Variants in FAM135B observed in about 807,000 individuals in gnomAD.
The protein encoded by FAM135B is family with sequence similarity 135 member B, also known as protein FAM135B.
A neutral mutation model predicts 127.7 loss-of-function variants in FAM135B; 43 were observed. That is an observed-to-expected ratio of 0.34 (90% CI 0.26 to 0.43). FAM135B has a LOEUF of 0.43. Among genes scored for constraint, FAM135B ranks in the 20% least tolerant of loss-of-function variants. The pLI, the probability that FAM135B is intolerant of heterozygous loss-of-function variation, is 1.00. For synonymous variants in FAM135B, 670 were observed against 665.1 expected, an observed-to-expected ratio of 1.01 and a Z score of -0.11; for missense variants, 1,558 against 1,725.6, an observed-to-expected ratio of 0.90 and a Z score of 1.72.
chr8:138,300,768 T>G (rs958318203), intron 3 of FAM135B, among the ~76,000 whole-genome samples: 1 of 147,624 alleles, frequency 6.8e-6, no homozygotes, highest in Non-Finnish European at 1.5e-5. Flanking sequence ...TTTTTTTTTT[T>G]AGAGACTGAG....
At chr8:138,154,214 C>A (rs1040680482) in intron 12 of FAM135B, among the ~76,000 whole-genome samples, 2 of 152,150 alleles carry the variant, frequency 1.3e-5, no homozygotes, top group Non-Finnish European at 2.9e-5. Flanking sequence ...AAAAGACCTG[C>A]AGCTGAGGGT....
intron 10 of FAM135B, among the ~76,000 whole-genome samples, chr8:138,178,098 AT>A (rs2130972979): frequency 6.6e-6 from 1 of 152,080 alleles, no homozygotes; most frequent in East Asian, 1.9e-4. Flanking sequence ...TACAAAAAAA[AT>A]TAGTCGGGTG....
chr8:138,365,613 A>G (rs1335951986), intron 2 of FAM135B, among the ~76,000 whole-genome samples: 1 of 152,234 alleles, frequency 6.6e-6, no homozygotes, highest in Non-Finnish European at 1.5e-5. Context: ...GAAGTAGGAT[A>G]AATGTGGTTG....
chr8:138,244,203 G>C (rs1821102422), intron 6 of FAM135B, among the ~76,000 whole-genome samples: 1 of 150,970 alleles, frequency 6.6e-6, no homozygotes, highest in South Asian at 2.1e-4. Context: ...TCACCTTAAA[G>C]ACATTTGTCT....
At chr8:138,248,947 T>A (rs1287852096) in intron 6 of FAM135B, among the ~76,000 whole-genome samples, 1 of 151,814 alleles carries the variant, frequency 6.6e-6, no homozygotes, top group Non-Finnish European at 1.5e-5. Flanking sequence ...CCCCAAAAAG[T>A]AAGTGGTAGG....
intron 1 of FAM135B, among the ~76,000 whole-genome samples, chr8:138,432,402 TC>T (rs1221313006): frequency 2.0e-5 from 3 of 152,130 alleles, no homozygotes; most frequent in Non-Finnish European, 2.9e-5. Context: ...TTGCATGGTC[TC>T]CACTACTCCA....
At chr8:138,280,760 A>G (rs763195285) in intron 3 of FAM135B, among the ~76,000 whole-genome samples, 6 of 152,174 alleles carry the variant, frequency 3.9e-5, no homozygotes, top group Non-Finnish European at 8.8e-5. Flanking sequence ...TAGGAGTTAC[A>G]TCACTTGTCA....
At position 138,151,466 on chromosome 8, in the gene FAM135B, C is replaced by A; in HGVS notation, c.3009G>T (p.Leu1003=). 6.2e-7 allele frequency: 1 copy of A among 1,614,238 alleles called. No individual in the cohort carries two copies. Among genetic ancestry groups the A allele is most frequent in the East Asian group, 2.2e-5 (1 of 44,878 alleles). The change falls in exon 13 of 20, where the codon CTG becomes CTT. Residue 1003 remains leucine, a synonymous_variant. Transcript: ENST00000395297. ...ACCCCATGATGGAAGTGCCTGCCTT[C>A]AGCTCTTGGTTTTTCAAAACCTGGG... The part of the protein sequence containing the change: ...VHSQVLKNQE[L]KAGTSIMGSH...
intron 1 of FAM135B, among the ~76,000 whole-genome samples, chr8:138,460,375 T>G (rs899032464): frequency 6.6e-6 from 1 of 152,132 alleles, no homozygotes; most frequent in Admixed American, 6.6e-5. Context: ...CCCCAGAAGC[T>G]AAAGCCTTCT....
intron 2 of FAM135B, among the ~76,000 whole-genome samples, chr8:138,349,243 T>C (rs1829624636): frequency 6.6e-6 from 1 of 152,184 alleles, no homozygotes; most frequent in South Asian, 2.1e-4. Flanking sequence ...TTGGGAGCTG[T>C]TTGGGAATAG....
intron 3 of FAM135B, among the ~76,000 whole-genome samples, chr8:138,271,038 T>A (rs77810596): frequency 1.3e-5 from 2 of 152,342 alleles, no homozygotes; most frequent in East Asian, 3.9e-4. Context: ...ATGAGATTCA[T>A]TTCTATCCTA....
At chr8:138,164,324 CG>C (rs1301909736) in intron 12 of FAM135B, among the ~76,000 whole-genome samples, 2 of 152,126 alleles carry the variant, frequency 1.3e-5, no homozygotes, top group Admixed American at 1.3e-4. Flanking sequence ...AAGAGAGACC[CG>C]CCTCTGAGAG....
At chr8:138,143,133 T>C in intron 15 of FAM135B, 24 bp from the exon 16 acceptor site, 1 of 1,373,478 alleles carries the variant, frequency 7.3e-7, no homozygotes, top group Non-Finnish European at 1.0e-6. Flanking sequence ...GAGGAACAGG[T>C]GTTGGGTATG....
At chr8:138,186,722 C>T (rs753278462) in intron 9 of FAM135B, among the ~76,000 whole-genome samples, 5 of 152,150 alleles carry the variant, frequency 3.3e-5, no homozygotes, top group South Asian at 4.1e-4. Flanking sequence ...AACCAAGAGC[C>T]GGTAGTCCTG....
At chr8:138,323,740 G>A (rs930446511) in intron 2 of FAM135B, among the ~76,000 whole-genome samples, 3 of 152,194 alleles carry the variant, frequency 2.0e-5, no homozygotes, top group Non-Finnish European at 4.4e-5. Flanking sequence ...CATACTTTGT[G>A]TAGGTGAAAA....
chr8:138,228,142 G>C (rs1586827731), intron 7 of FAM135B, among the ~76,000 whole-genome samples: 1 of 152,122 alleles, frequency 6.6e-6, no homozygotes, highest in South Asian at 2.1e-4. Context: ...TCAAGGACTA[G>C]GGTGACTAGG....
intron 1 of FAM135B, among the ~76,000 whole-genome samples, chr8:138,382,115 C>T (rs1050758828): frequency 7.2e-5 from 11 of 152,132 alleles, no homozygotes; most frequent in South Asian, 2.1e-4. Flanking sequence ...CCCACGTCAC[C>T]GTGTTCCCAC....
At chr8:138,148,164 AT>A (rs1436306147) in intron 14 of FAM135B, among the ~76,000 whole-genome samples, 1 of 152,198 alleles carries the variant, frequency 6.6e-6, no homozygotes, top group East Asian at 1.9e-4. Context: ...TAATATATTC[AT>A]TCCCATAATA....
chr8:138,354,618 G>A (rs577944540), intron 2 of FAM135B, among the ~76,000 whole-genome samples: 3 of 152,256 alleles, frequency 2.0e-5, no homozygotes, highest in African/African-American at 4.8e-5. Context: ...GGAGCAACTT[G>A]AGTTCACAAT....
Sources: allele counts gnomAD v4.1 joint callset (sites outside exome capture counted in the v4.1 genomes callset), GRCh38; gene constraint gnomAD v4.1.1; transcripts MANE v1.5; gene names NCBI Gene and HGNC (gene_info 2026-07-23, HGNC 2026-07-21).